The following STARD13 variants were observed in gnomAD, a reference collection of about 807,000 sequenced individuals.
STARD13 encodes StAR related lipid transfer domain containing 13.
A neutral mutation model predicts 106.4 loss-of-function variants in STARD13; 62 were observed. That is an observed-to-expected ratio of 0.58 (90% CI 0.48 to 0.72). The LOEUF is 0.72. STARD13 is among the 30% of genes least tolerant of loss of function. The probability of loss-of-function intolerance (pLI) is 0.00; values close to 1 mark genes in which losing one functional copy is unlikely to be tolerated. For missense variants in STARD13, 1,387 were observed against 1,424.0 expected (o/e 0.97, Z 0.42); for synonymous variants, 565 against 553.0 (o/e 1.02, Z -0.31).
intron 5 of STARD13, among the ~76,000 whole-genome samples, 191 bp from the exon 6 acceptor site, chr13:33,127,737 T>TG (rs1424182712): frequency 2.6e-5 from 4 of 152,214 alleles, no homozygotes; most frequent in Non-Finnish European, 5.9e-5. Flanking sequence ...CAGATAAATC[T>TG]GGAAAAAGTC....
chr13:33,105,458 C>T lies in STARD13; in HGVS notation c.*135G>A. Reference sequence around the variant, plus strand: ...TCTTGCATCTCCAACATTCCAACTTCTTAACGTTTCCATTTTTAGGCATTA... The same window carrying T: ...TCTTGCATCTCCAACATTCCAACTTTTTAACGTTTCCATTTTTAGGCATTA... On this transcript the variant is annotated 3_prime_UTR_variant, in exon 14 of 14. Coordinates refer to ENST00000336934, the MANE Select transcript of STARD13 (RefSeq NM_178006.4). 3.1e-6 allele frequency: 2 copies of T among 646,626 alleles called. No individual in the cohort carries two copies. The highest frequency in any genetic ancestry group is 4.0e-5 in the South Asian group (2 of 49,586). The allele number at this position is 646,626 out of a possible 1,614,324, so 40.1% of individuals were successfully genotyped here. A position where few individuals can be genotyped will look rare whatever the true frequency, so the allele number is the denominator to read the frequency against.
chr13:33,500,166 T>G, the STARD13 span, among the ~76,000 whole-genome samples: 1 of 152,104 alleles, frequency 6.6e-6, no homozygotes, highest in East Asian at 1.9e-4. Flanking sequence ...GGGTTGGAGC[T>G]TCAACATATA....
chr13:33,315,824 G>A (rs1409798638), intron 1 of STARD13, among the ~76,000 whole-genome samples: 2 of 152,062 alleles, frequency 1.3e-5, no homozygotes, highest in Admixed American at 6.6e-5. Flanking sequence ...AATGTCAGTT[G>A]GAAATCCTAC....
At chr13:33,379,309 A>T in the STARD13 span, among the ~76,000 whole-genome samples, 1 of 152,206 alleles carries the variant, frequency 6.6e-6, no homozygotes, top group African/African-American at 2.4e-5. Flanking sequence ...TACACCCTAT[A>T]GTATTTTTTC....
At chr13:33,445,496 G>A in the STARD13 span, among the ~76,000 whole-genome samples, 1 of 152,082 alleles carries the variant, frequency 6.6e-6, no homozygotes, top group South Asian at 2.1e-4. Context: ...TTTGGCCCGA[G>A]TAATTTATGG....
the STARD13 span, among the ~76,000 whole-genome samples, chr13:33,648,654 C>T: frequency 1.3e-5 from 2 of 152,092 alleles, no homozygotes; most frequent in African/African-American, 4.8e-5. Context: ...CATCAAAGAA[C>T]AGCTGGTTCA....
chr13:33,319,102 C>T (rs977982185), intron 1 of STARD13, among the ~76,000 whole-genome samples: 32 of 152,182 alleles, frequency 2.1e-4, no homozygotes, highest in African/African-American at 7.7e-4. Context: ...TATGTGAATG[C>T]TCACAGCATT....
Position 33,118,150 on chromosome 13 carries a change from C to T in STARD13, c.2196G>A (p.Ala732=), listed in dbSNP as rs578205920. 1.5e-5 allele frequency: 24 copies of T among 1,614,156 alleles called. No homozygotes were observed. Among genetic ancestry groups the T allele is most frequent in the African/African-American group, 4.0e-5 (3 of 75,020 alleles). The change falls in exon 8 of 14, where the codon GCG becomes GCA. Residue 732 remains alanine, a synonymous_variant. Transcript: ENST00000336934. ...CCCGGAAGAACTGTTTCACCATATC[C>T]GCCACATCATAAGCAGACTGGTCTT... The part of the protein sequence containing the change: ...NYEDQSAYDV[A]DMVKQFFRDL...
At chr13:33,261,557 C>G (rs574198853) in intron 1 of STARD13, among the ~76,000 whole-genome samples, 13 of 152,102 alleles carry the variant, frequency 8.5e-5, no homozygotes, top group African/African-American at 3.1e-4. Context: ...TTTGTTCTCC[C>G]GGCATAAGCC....
the STARD13 span, among the ~76,000 whole-genome samples, chr13:33,439,188 T>G: frequency 2.0e-5 from 3 of 152,212 alleles, no homozygotes; most frequent in Non-Finnish European, 4.4e-5. Context: ...CAAGATTGGT[T>G]AGCTGTTAGT....
intron 1 of STARD13, among the ~76,000 whole-genome samples, chr13:33,262,644 C>T (rs958328565): frequency 7.9e-5 from 11 of 140,082 alleles, no homozygotes; most frequent in Non-Finnish European, 1.4e-4. Flanking sequence ...CAGAACCCCC[C>T]CCCCCACACA....
At chr13:33,157,230 G>T (rs1315253172) in intron 3 of STARD13, among the ~76,000 whole-genome samples, 1 of 152,118 alleles carries the variant, frequency 6.6e-6, no homozygotes, top group Admixed American at 6.5e-5. Context: ...TAAGGGCAAT[G>T]ATACGTATAC....
At chr13:33,203,386 T>G (rs1273930035) in intron 1 of STARD13, among the ~76,000 whole-genome samples, 1 of 152,234 alleles carries the variant, frequency 6.6e-6, no homozygotes, top group Admixed American at 6.5e-5. Context: ...TACTGGATTA[T>G]TTTGAAAGAT....
chr13:33,285,393 A>C (rs551325868), intron 1 of STARD13, 77 bp downstream of exon 1: 10 of 1,447,128 alleles, frequency 6.9e-6, no homozygotes, highest in East Asian at 6.9e-5. Flanking sequence ...ACAAACAAAC[A>C]AAAAAAACTG....
chr13:33,666,872 G>A, the STARD13 span, among the ~76,000 whole-genome samples: 3 of 152,242 alleles, frequency 2.0e-5, no homozygotes, highest in East Asian at 3.9e-4. Flanking sequence ...GATTACAGGC[G>A]GGAGCCCCAA....
chr13:33,344,311 T>C (rs1384415358), downstream of STARD13, among the ~76,000 whole-genome samples: 1 of 152,220 alleles, frequency 6.6e-6, no homozygotes, highest in East Asian at 1.9e-4. Context: ...TTTTTTGTTA[T>C]TGTTAATATA....
chr13:33,156,738 T>C (rs1444557363), intron 3 of STARD13, among the ~76,000 whole-genome samples: 1 of 152,174 alleles, frequency 6.6e-6, no homozygotes, highest in Non-Finnish European at 1.5e-5. Context: ...AGTGTTACCA[T>C]GAGAATTTAA....
chr13:33,350,737 C>A (rs1250993387), upstream of STARD13: 42 of 945,490 alleles, frequency 4.4e-5, no homozygotes, highest in Non-Finnish European at 2.1e-5. Context: ...TGCCCTCCCC[C>A]TGGCTGCCTC....
chr13:33,349,668 C>A (rs1049667994), intron 1 of STARD13, among the ~76,000 whole-genome samples: 2 of 152,202 alleles, frequency 1.3e-5, no homozygotes, highest in African/African-American at 4.8e-5. Context: ...CAAAGGGAGG[C>A]CTTTCCTTGC....
Sources: gnomAD v4.1 joint callset for allele counts (sites outside exome capture counted in the v4.1 genomes callset) on GRCh38, gnomAD v4.1.1 for gene constraint, MANE v1.5 for transcripts, NCBI Gene and HGNC (gene_info 2026-07-23, HGNC 2026-07-21) for gene names.